The following GBP4 variants were observed in gnomAD, a reference collection of about 807,000 sequenced individuals.
GBP4 encodes guanylate-binding protein 4.
A neutral mutation model predicts 62.2 loss-of-function variants in GBP4; 69 were observed. That is an observed-to-expected ratio of 1.11 (90% CI 0.91 to 1.36). The LOEUF (loss-of-function observed/expected upper bound fraction) is 1.36, where lower values mean the gene tolerates loss of function less well. Among genes scored for constraint, GBP4 ranks in the 40% most tolerant of loss-of-function variants. The probability of loss-of-function intolerance (pLI) is 0.00; values close to 1 mark genes in which losing one functional copy is unlikely to be tolerated. For missense variants in GBP4, 697 were observed against 759.3 expected, an observed-to-expected ratio of 0.92 and a Z score of 0.96; for synonymous variants, 278 against 274.6, an observed-to-expected ratio of 1.01 and a Z score of -0.12.
rs1390868173 is a variant in GBP4 at position 89,190,321 on chromosome 1, G to A, written c.917-3C>T. The stretch of plus-strand genomic sequence containing the variant: ...AGTCACCACCAGAGTCCCCAGCCCT[G>A]AATCACATATATTTAGGGAAAATTT... On this transcript the variant is annotated splice_polypyrimidine_tract_variant and splice_region_variant and intron_variant, in intron 6 of 10. Transcript: ENST00000355754. The A allele has an allele frequency of 7.6e-6, 12 of 1,582,750 alleles. No individual in the cohort carries two copies. The highest frequency in any genetic ancestry group is 1.0e-5 in the Non-Finnish European group (12 of 1,158,314).
intron 3 of GBP4, among the ~76,000 whole-genome samples, chr1:89,193,725 T>C (rs1276824394): frequency 6.6e-6 from 1 of 152,190 alleles, no homozygotes; most frequent in Non-Finnish European, 1.5e-5. Context: ...ACTCATGGCA[T>C]ATTAAGGCCA....
rs777739942 is a variant in GBP4 at position 89,193,012 on chromosome 1, A to G, written c.562T>C (p.Phe188Leu). 6.2e-7 allele frequency: 1 copy of G among 1,614,212 alleles called. No homozygotes were observed. Among genetic ancestry groups the G allele is most frequent in the East Asian group, 2.2e-5 (1 of 44,888 alleles). Residue 188 changes from phenylalanine to leucine, a missense_variant, in exon 5 of 11, where the codon TTT (phenylalanine) becomes CTT (leucine). Transcript: ENST00000355754. The stretch of plus-strand genomic sequence containing the variant: ...CGAACAGTCCAAATAAAGTCTGGAA[A>G]GAAACTCGCAAACTCGCTGGAGTCC... Reference protein sequence around the residue: ...AEDSSEFASFFPDFIWTVRDF... With the variant: ...AEDSSEFASFLPDFIWTVRDF...
intron 7 of GBP4, among the ~76,000 whole-genome samples, chr1:89,189,233 T>C (rs1351939263): frequency 6.6e-6 from 1 of 152,238 alleles, no homozygotes; most frequent in Non-Finnish European, 1.5e-5. Flanking sequence ...CATCTGTGTA[T>C]TTCTTCAATG....
At position 89,198,828 on chromosome 1, in the gene GBP4, C is replaced by G; in HGVS notation, c.7G>C (p.Glu3Gln). 6.2e-7 allele frequency: 1 copy of G among 1,613,988 alleles called. No individual in the cohort carries two copies. The highest frequency in any genetic ancestry group is 8.5e-7 in the Non-Finnish European group (1 of 1,179,824). The stretch of plus-strand genomic sequence containing the variant: ...GGCACTGCAGCGTGAAGAGTTCTCT[C>G]ACCCATTGCTCTGTCCTCCTGCGCC... MG[E>Q]RTLHAAVPTP... The change falls in exon 1 of 11, where the codon GAG (glutamate) becomes CAG (glutamine). Residue 3 changes from glutamate (E) to glutamine (Q), a missense_variant. Physicochemically the swap from Glu to Gln is conservative, Grantham distance 29. Coordinates refer to ENST00000355754, the MANE Select transcript of GBP4 (RefSeq NM_052941.5).
intron 2 of GBP4, 67 bp downstream of exon 2, chr1:89,197,043 G>T (rs1362363358): frequency 4.4e-6 from 6 of 1,364,664 alleles, no homozygotes; most frequent in Non-Finnish European, 6.0e-6. Context: ...TGACCCTAGA[G>T]GGGGTGTGAT....
At chr1:89,185,981 G>A (rs1279862684) in intron 10 of GBP4, among the ~76,000 whole-genome samples, 3 of 152,190 alleles carry the variant, frequency 2.0e-5, no homozygotes, top group African/African-American at 7.2e-5. Context: ...CTTTCATCCA[G>A]ATGGATCTAT....
In GBP4 at chr1:89,186,487, T is replaced by C; in HGVS notation, c.1553A>G (p.Glu518Gly). The change falls in exon 10 of 11, where the codon GAG becomes GGG. Residue 518 changes from glutamate to glycine, a missense_variant. This residue lies in a region of GBP4 where 141 missense variants were observed against 196.6 expected (regional missense o/e 0.72). Coordinates refer to ENST00000355754, the MANE Select transcript of GBP4 (RefSeq NM_052941.5). The part of the protein sequence containing the change: ...AMKEAAEKEQ[E>G]LLREKQKEQQ... Reference sequence around the variant, plus strand: ...CTCCTTCTGTTTTTCTCTTAGCAGCTCCTGTTCCTTCTCAGCTGCTTCCTT... The same window carrying C: ...CTCCTTCTGTTTTTCTCTTAGCAGCCCCTGTTCCTTCTCAGCTGCTTCCTT... 1 of 1,614,178 alleles carries C rather than the reference T, an allele frequency of 6.2e-7. No individual in the cohort carries two copies. The highest frequency in any genetic ancestry group is 1.1e-5 in the South Asian group (1 of 91,084).
At chr1:89,193,540 C>G (rs1648246317) in intron 3 of GBP4, 128 bp from the exon 4 acceptor site, 3 of 734,732 alleles carry the variant, frequency 4.1e-6, no homozygotes, top group Admixed American at 2.7e-5. Context: ...AATTTTGAAG[C>G]CAATGCTGAA....
intron 7 of GBP4, 35 bp downstream of exon 7, chr1:89,190,003 G>A (rs1648136557): frequency 1.3e-6 from 2 of 1,572,806 alleles, no homozygotes; most frequent in Middle Eastern, 2.1e-4. Flanking sequence ...CATTTCGGAA[G>A]GGCAGAAATC....
chr1:89,190,361 T>C, intron 6 of GBP4, 43 bp from the exon 7 acceptor site: 2 of 1,494,020 alleles, frequency 1.3e-6, no homozygotes, highest in Non-Finnish European at 1.8e-6. Flanking sequence ...TTCTTACTCA[T>C]TATTTATACA....
At chr1:89,188,152 T>C (rs527955616) in intron 8 of GBP4, among the ~76,000 whole-genome samples, 1 of 108,898 alleles carries the variant, frequency 9.2e-6, no homozygotes, top group African/African-American at 3.8e-5. Context: ...ATATAGGAAG[T>C]GAATCATCAA....
At chr1:89,197,053 T>A in intron 2 of GBP4, 57 bp downstream of exon 2, 1 of 1,462,266 alleles carries the variant, frequency 6.8e-7, no homozygotes, top group Non-Finnish European at 9.3e-7. Context: ...GGGGGTGTGA[T>A]CAGCTGTGTT....
rs1372671898 is a variant in GBP4, at chr1:89,182,267, C to T, written c.*2987G>A. 6.6e-6 allele frequency: 1 copy of T among 152,118 alleles called. No homozygotes were observed. The highest frequency in any genetic ancestry group is 1.5e-5 in the Non-Finnish European group (1 of 68,014). 9.4% of individuals were successfully genotyped at this position (152,118 alleles called of 1,614,324 possible). On this transcript the variant is annotated 3_prime_UTR_variant, in exon 11 of 11. Transcript: ENST00000355754. ...AGCTGCTGCCTTAAAATCCAAGCTC[C>T]TTGAATGCACAATTTCTGTCCCTTT...
Position 89,186,411 on chromosome 1 carries a change from G to T in GBP4, c.1629C>A (p.Ala543=). The T allele has an allele frequency of 7.0e-7, 1 of 1,418,704 alleles. No homozygotes were observed. The highest frequency in any genetic ancestry group is 1.0e-6 in the Non-Finnish European group (1 of 1,001,224). 87.9% of individuals were successfully genotyped at this position (1,418,704 alleles called of 1,614,324 possible). A position where few individuals can be genotyped will look rare whatever the true frequency, so the allele number is the denominator to read the frequency against. ...CCTCCTCCAACTTCTTCTCCATTTG[G>T]GCCATGTATTCCTGGAAGCTTCTCT... ...AQERSFQEYM[A]QMEKKLEEER... Residue 543 remains alanine (A), a synonymous_variant, in exon 10 of 11, where the codon GCC becomes GCA. Coordinates refer to ENST00000355754, the MANE Select transcript of GBP4 (RefSeq NM_052941.5).
In GBP4 at chr1:89,193,116, A is replaced by G. The variant is rs1260018289; in HGVS notation, c.474-16T>C. 6.2e-7 allele frequency: 1 copy of G among 1,611,632 alleles called. No homozygotes were observed. The highest frequency in any genetic ancestry group is 1.7e-5 in the Admixed American group (1 of 59,986). On this transcript the variant is annotated splice_polypyrimidine_tract_variant and intron_variant, in intron 4 of 10. Transcript: ENST00000355754. ...AGTCACATAGCTGGGATCTCAGCTA[A>G]GGAAGGATAGCACCCTACACCATCA...
intron 6 of GBP4, among the ~76,000 whole-genome samples, chr1:89,190,801 C>G (rs1249541357): frequency 6.6e-6 from 1 of 151,972 alleles, no homozygotes; most frequent in Non-Finnish European, 1.5e-5. Context: ...AGGCCCATCT[C>G]ACCATAGGGA....
chr1:89,189,464 G>A (rs1233569657), intron 7 of GBP4, among the ~76,000 whole-genome samples: 6 of 152,196 alleles, frequency 3.9e-5, no homozygotes, highest in African/African-American at 1.2e-4. Context: ...CACCTGCATA[G>A]TTCCTGGGCC....
Position 89,182,789 on chromosome 1 carries a change from G to A in GBP4, c.*2465C>T, listed in dbSNP as rs185905913. Reference sequence around the variant, plus strand: ...AGTTGATTTTTAACTACTGGGTTTAGGCCAGGCAGGCCCAGGCCTGGTTTT... The same window carrying A: ...AGTTGATTTTTAACTACTGGGTTTAAGCCAGGCAGGCCCAGGCCTGGTTTT... On this transcript the variant is annotated 3_prime_UTR_variant, in exon 11 of 11. Transcript: ENST00000355754. 2 of 152,276 alleles carry A rather than the reference G, an allele frequency of 1.3e-5. No homozygotes were observed. Among genetic ancestry groups the A allele is most frequent in the African/African-American group, 4.8e-5 (2 of 41,546 alleles). 9.4% of individuals were successfully genotyped at this position (152,276 alleles called of 1,614,324 possible).
Position 89,191,394 on chromosome 1 carries a change from T to C in GBP4, c.783A>G (p.Leu261=). 1 of 1,614,274 alleles carries C rather than the reference T, an allele frequency of 6.2e-7. No individual in the cohort carries two copies. Among genetic ancestry groups the C allele is most frequent in the Non-Finnish European group, 8.5e-7 (1 of 1,180,050 alleles). ...CTTCTGGCACTTCGTCCATATGATT[T>C]AAATATTGCTTGTCATTTGTAGGCC... is the stretch of plus-strand genomic sequence containing the variant. The part of the protein sequence containing the change: ...FDRPTNDKQY[L]NHMDEVPEEN... Residue 261 remains leucine (L), a synonymous_variant, in exon 6 of 11, where the codon TTA becomes TTG. Transcript: ENST00000355754.
Sources: gnomAD v4.1 joint callset for allele counts (sites outside exome capture counted in the v4.1 genomes callset) on GRCh38, gnomAD v4.1.1 for gene constraint, gnomAD v4.1.1 regional missense constraint, MANE v1.5 for transcripts, NCBI Gene and HGNC (gene_info 2026-07-23, HGNC 2026-07-21) for gene names.